Variants in PIP4K2A observed in about 807,000 individuals in gnomAD.
The protein encoded by PIP4K2A is phosphatidylinositol 5-phosphate 4-kinase type-2 alpha.
Under a neutral mutation model 42.9 loss-of-function variants are expected in PIP4K2A, and 14 were observed. The observed-to-expected ratio is 0.33, with a 90% CI of 0.22 to 0.51. PIP4K2A has a LOEUF of 0.51. Ranked by LOEUF, PIP4K2A falls within the 20% of genes least tolerant of loss-of-function variation. The pLI, the probability that PIP4K2A is intolerant of heterozygous loss-of-function variation, is 0.97. For missense variants in PIP4K2A, 434 were observed against 519.8 expected, an observed-to-expected ratio of 0.83 and a Z score of 1.61; for synonymous variants, 192 against 192.2, an observed-to-expected ratio of 1.00 and a Z score of 0.01.
intron 1 of PIP4K2A, among the ~76,000 whole-genome samples, chr10:22,617,425 G>A (rs932178478): frequency 6.6e-6 from 1 of 152,182 alleles, no homozygotes; most frequent in Non-Finnish European, 1.5e-5. Flanking sequence ...TTTAAGTCAA[G>A]CAAAGAATAT....
At chr10:22,602,988 T>G (rs148828638) in intron 3 of PIP4K2A, among the ~76,000 whole-genome samples, 1 of 152,320 alleles carries the variant, frequency 6.6e-6, no homozygotes, top group Non-Finnish European at 1.5e-5. Flanking sequence ...TTTCAGAGGA[T>G]AGACTTGATA....
At chr10:22,572,067 C>T (rs893890087) in intron 5 of PIP4K2A, among the ~76,000 whole-genome samples, 7 of 152,192 alleles carry the variant, frequency 4.6e-5, no homozygotes, top group Non-Finnish European at 1.0e-4. Flanking sequence ...ACAGACACAA[C>T]TCACATCTGC....
intron 1 of PIP4K2A, among the ~76,000 whole-genome samples, chr10:22,664,080 T>TATATATATAC (rs1564459848): frequency 1.4e-5 from 1 of 73,850 alleles, no homozygotes; most frequent in East Asian, 2.4e-4. Context: ...TATATACGTA[T>TATATATATAC]ATATATATAC....
At chr10:22,595,331 C>T (rs1027428420) in intron 3 of PIP4K2A, among the ~76,000 whole-genome samples, 4 of 152,092 alleles carry the variant, frequency 2.6e-5, no homozygotes, top group African/African-American at 4.8e-5. Flanking sequence ...CCAAAAAGGG[C>T]GATTTACAAA....
chr10:22,573,512 T>G lies in PIP4K2A; in HGVS notation c.493-55A>C. On this transcript the variant is annotated intron_variant, in intron 4 of 9. Coordinates refer to ENST00000376573, the MANE Select transcript of PIP4K2A (RefSeq NM_005028.5). ...AACATCCAATCAAAAGATTGCTTCC[T>G]TAGATGTAAAATACATACGCCTATG... The G allele has an allele frequency of 2.0e-6, 3 of 1,505,394 alleles. 1 individual carries two copies. Among genetic ancestry groups the G allele is most frequent in the Non-Finnish European group, 2.7e-6 (3 of 1,102,616 alleles). 93.3% of individuals were successfully genotyped at this position (1,505,394 alleles called of 1,614,324 possible).
At chr10:22,688,143 A>G (rs1317955550) in intron 1 of PIP4K2A, among the ~76,000 whole-genome samples, 1 of 152,220 alleles carries the variant, frequency 6.6e-6, no homozygotes, top group Admixed American at 6.5e-5. Flanking sequence ...ACATTTTATT[A>G]GAGACGAGTA....
chr10:22,705,071 G>C, intron 1 of PIP4K2A, among the ~76,000 whole-genome samples: 1 of 151,970 alleles, frequency 6.6e-6, no homozygotes, highest in East Asian at 1.9e-4. Context: ...TTCTAAATGA[G>C]GTTATATGCT....
chr10:22,632,480 A>G (rs556432794), intron 1 of PIP4K2A, among the ~76,000 whole-genome samples: 7 of 152,342 alleles, frequency 4.6e-5, no homozygotes, highest in African/African-American at 1.7e-4. Context: ...CATCCTTACT[A>G]AAGTTGACAA....
chr10:22,643,440 T>C (rs150409618), intron 1 of PIP4K2A, among the ~76,000 whole-genome samples: 2 of 152,250 alleles, frequency 1.3e-5, no homozygotes, highest in African/African-American at 4.8e-5. Flanking sequence ...CACCCTTAGA[T>C]CTGTCTTAGG....
At chr10:22,663,925 T>C (rs1232470997) in intron 1 of PIP4K2A, among the ~76,000 whole-genome samples, 2 of 149,374 alleles carry the variant, frequency 1.3e-5, no homozygotes, top group South Asian at 2.1e-4. Context: ...TACATTCTTC[T>C]AAAAAGACAT....
chr10:22,672,731 A>C (rs1453720750), intron 1 of PIP4K2A, among the ~76,000 whole-genome samples: 3 of 152,204 alleles, frequency 2.0e-5, no homozygotes, highest in African/African-American at 4.8e-5. Context: ...AGAGAAAAAG[A>C]CCAACAGATA....
At chr10:22,619,550 T>C (rs1345395366) in intron 1 of PIP4K2A, among the ~76,000 whole-genome samples, 5 of 151,702 alleles carry the variant, frequency 3.3e-5, no homozygotes. Flanking sequence ...AATTCTCCTG[T>C]CTCAGCCTCC....
chr10:22,549,880 GAAAGA>G (rs1371616142), intron 7 of PIP4K2A, among the ~76,000 whole-genome samples: 15 of 118,990 alleles, frequency 1.3e-4, no homozygotes, highest in Middle Eastern at 5.7e-3. Context: ...AAAAAGAAAG[GAAAGA>G]AAATAACCTT....
chr10:22,607,936 T>G lies in PIP4K2A; in HGVS notation c.330A>C (p.Gln110His). ...NLRERFGIDD[Q>H]DFQNSLTRSA... ...TACAAACGCAACTCACCTGGAAATC[T>G]TGATCATCAATTCCAAACCTCTCCC... The change falls in exon 3 of 10, where the codon CAA becomes CAC. Residue 110 changes from glutamine to histidine, a missense_variant. Around this residue, in one of 2 missense-constraint regions of PIP4K2A, gnomAD observed 395 missense variants for 444.5 expected, o/e 0.89. Transcript: ENST00000376573. 1 of 1,610,254 alleles carries G rather than the reference T, an allele frequency of 6.2e-7. No homozygotes were observed. The highest frequency in any genetic ancestry group is 8.5e-7 in the Non-Finnish European group (1 of 1,176,726).
chr10:22,579,117 C>G (rs921071227), intron 4 of PIP4K2A, among the ~76,000 whole-genome samples: 7 of 151,876 alleles, frequency 4.6e-5, no homozygotes, highest in African/African-American at 1.5e-4. Context: ...AAAGAGGGTA[C>G]CACAAAATAA....
At chr10:22,601,757 T>C (rs1169818634) in intron 3 of PIP4K2A, among the ~76,000 whole-genome samples, 1 of 152,190 alleles carries the variant, frequency 6.6e-6, no homozygotes, top group Non-Finnish European at 1.5e-5. Context: ...GAATGCCCAA[T>C]GCAGGCCACA....
intron 1 of PIP4K2A, chr10:22,646,221 T>A (rs866297253): frequency 3.9e-5 from 6 of 152,300 alleles, no homozygotes; most frequent in Admixed American, 6.5e-5. Context: ...GAACCCACCT[T>A]TGGGGATGTG....
At chr10:22,548,980 G>C (rs367692054) in intron 7 of PIP4K2A, among the ~76,000 whole-genome samples, 8 of 152,308 alleles carry the variant, frequency 5.3e-5, no homozygotes, top group African/African-American at 1.9e-4. Context: ...CCTGAGCTGG[G>C]AGTTCAAGGC....
intron 4 of PIP4K2A, among the ~76,000 whole-genome samples, chr10:22,577,483 C>T (rs887434050): frequency 1.3e-5 from 2 of 152,194 alleles, no homozygotes; most frequent in Non-Finnish European, 2.9e-5. Flanking sequence ...GCCATGCCAG[C>T]TCCCTACTGC....
Sources: gnomAD v4.1 joint callset for allele counts (sites outside exome capture counted in the v4.1 genomes callset) on GRCh38, gnomAD v4.1.1 for gene constraint, gnomAD v4.1.1 regional missense constraint, MANE v1.5 for transcripts, NCBI Gene and HGNC (gene_info 2026-07-23, HGNC 2026-07-21) for gene names.